The following ANO5 variants were observed in gnomAD, a reference collection of about 807,000 sequenced individuals.
The protein encoded by ANO5 is anoctamin 5.
In ANO5, 109 loss-of-function variants were observed where a neutral mutation model predicts 121.0. The ratio of observed to expected loss-of-function variants is 0.90; its 90% CI spans 0.77 to 1.06. ANO5 has a LOEUF of 1.06. Among genes scored for constraint, ANO5 ranks in the 50% least tolerant of loss-of-function variants. ANO5 has a pLI of 0.00. For synonymous variants in ANO5, 406 were observed against 359.9 expected, an observed-to-expected ratio of 1.13 and a Z score of -1.45; for missense variants, 1,064 against 1,078.5, an observed-to-expected ratio of 0.99 and a Z score of 0.19.
intron 7 of ANO5, among the ~76,000 whole-genome samples, chr11:22,235,519 A>G (rs1252611821): frequency 6.6e-6 from 1 of 152,120 alleles, no homozygotes; most frequent in Non-Finnish European, 1.5e-5. Context: ...TGTATAAAAC[A>G]GTGCTGAAAA....
At chr11:22,217,766 G>T (rs1852496704) in intron 3 of ANO5, among the ~76,000 whole-genome samples, 1 of 151,488 alleles carries the variant, frequency 6.6e-6, no homozygotes, top group African/African-American at 2.4e-5. Flanking sequence ...ATAACAAATG[G>T]GATCTTTTGG....
intron 19 of ANO5, among the ~76,000 whole-genome samples, chr11:22,273,643 A>C (rs2133791235): frequency 6.6e-6 from 1 of 152,178 alleles, no homozygotes; most frequent in South Asian, 2.1e-4. Context: ...CACTGTCAAA[A>C]ATTGTAAATC....
chr11:22,193,404 T>A lies in ANO5; in HGVS notation c.-89T>A. The A allele has an allele frequency of 6.4e-7, 1 of 1,552,646 alleles. No individual in the cohort carries two copies. Among genetic ancestry groups the A allele is most frequent in the South Asian group, 1.2e-5 (1 of 84,436 alleles). On this transcript the variant is annotated 5_prime_UTR_variant, in exon 1 of 22. Coordinates refer to ENST00000324559, the MANE Select transcript of ANO5 (RefSeq NM_213599.3). Reference sequence around the variant, plus strand: ...CAACTCCGGCGGCCCACAGTCAGATTCAGCACCTGCCTCAGATCTCCACGT... The same window carrying A: ...CAACTCCGGCGGCCCACAGTCAGATACAGCACCTGCCTCAGATCTCCACGT...
chr11:22,221,852 T>G (rs1852664306), intron 5 of ANO5, among the ~76,000 whole-genome samples: 1 of 152,070 alleles, frequency 6.6e-6, no homozygotes, highest in South Asian at 2.1e-4. Context: ...ACACATTTAC[T>G]TATGTACTTA....
chr11:22,261,498 A>G (rs922413618), intron 15 of ANO5: 10 of 153,066 alleles, frequency 6.5e-5, no homozygotes, highest in African/African-American at 1.4e-4. Context: ...CCCTGTCTCT[A>G]CTAGAAATAC....
At chr11:22,240,931 T>C (rs1296101198) in intron 9 of ANO5, among the ~76,000 whole-genome samples, 1 of 152,010 alleles carries the variant, frequency 6.6e-6, no homozygotes, top group Non-Finnish European at 1.5e-5. Flanking sequence ...TCTGATACTA[T>C]TTAGTGGAAC....
intron 9 of ANO5, among the ~76,000 whole-genome samples, chr11:22,243,400 A>G (rs920477864): frequency 6.6e-6 from 1 of 151,904 alleles, no homozygotes; most frequent in African/African-American, 2.4e-5. Flanking sequence ...TCTCTATCAG[A>G]TTTTGGTATC....
At chr11:22,212,221 C>G (rs1852300653) in intron 3 of ANO5, among the ~76,000 whole-genome samples, 1 of 151,766 alleles carries the variant, frequency 6.6e-6, no homozygotes, top group South Asian at 2.1e-4. Flanking sequence ...AAGTAAGATG[C>G]CCTGAAGATT....
rs1854059024 is a variant in ANO5, at chr11:22,257,973, A to C, written c.1407+219A>C. On this transcript the variant is annotated intron_variant, in intron 14 of 21. Transcript: ENST00000324559. ...GATCTTGGGGAAAAGGAGGTACTTT[A>C]TCTTAAAGCCCGTCCCTCCCTGCCT... is the stretch of plus-strand genomic sequence containing the variant. 2.0e-5 allele frequency among the ~76,000 whole-genome samples: 3 copies of C among 152,262 alleles called. 1 individual carries two copies. The South Asian group carries it at 6.2e-4, about 32-fold the overall frequency.
intron 8 of ANO5, among the ~76,000 whole-genome samples, chr11:22,237,989 A>G (rs1247417547): frequency 6.6e-6 from 1 of 152,194 alleles, no homozygotes; most frequent in East Asian, 1.9e-4. Flanking sequence ...CCAATACAAT[A>G]TAAATGTAAA....
At chr11:22,200,886 G>A (rs1171433036) in intron 1 of ANO5, among the ~76,000 whole-genome samples, 1 of 152,086 alleles carries the variant, frequency 6.6e-6, no homozygotes, top group Non-Finnish European at 1.5e-5. Flanking sequence ...TTGTATGGGT[G>A]TGTTTTGTAT....
intron 7 of ANO5, among the ~76,000 whole-genome samples, chr11:22,234,810 G>A (rs562034529): frequency 1.2e-4 from 18 of 152,058 alleles, no homozygotes; most frequent in Non-Finnish European, 2.4e-4. Flanking sequence ...CTTATTCTTC[G>A]TTTTATGAGT....
chr11:22,245,756 G>A (rs943763479), intron 9 of ANO5, among the ~76,000 whole-genome samples: 2 of 152,056 alleles, frequency 1.3e-5, no homozygotes, highest in African/African-American at 2.4e-5. Flanking sequence ...CATTCTCAAT[G>A]TGTTGTCTGT....
chr11:22,231,783 C>T (rs1590253121), intron 7 of ANO5, among the ~76,000 whole-genome samples: 1 of 151,934 alleles, frequency 6.6e-6, no homozygotes, highest in East Asian at 1.9e-4. Context: ...TCACACTTTG[C>T]AAAAAGATGT....
Position 22,270,330 on chromosome 11 carries a change from G to A in ANO5, c.1917G>A (p.Trp639Ter). Residue 639 changes from tryptophan to a stop codon, truncating the protein, a stop_gained, in exon 18 of 22, where the codon TGG (tryptophan) becomes TGA (stop). Transcript: ENST00000324559. LOFTEE classifies it high-confidence loss of function. Reference sequence around the variant, plus strand: ...CCAACAGCTTGGCTTTGAATTGGTGGAGACGCCGAAAAGCTCGGACAAACT... The same window carrying A: ...CCAACAGCTTGGCTTTGAATTGGTGAAGACGCCGAAAAGCTCGGACAAACT... The part of the protein sequence containing the change: ...EAIYPLALNW[W>*]RRRKARTNSE... 6.2e-7 allele frequency: 1 copy of A among 1,614,104 alleles called. No homozygotes were observed. The highest frequency in any genetic ancestry group is 8.5e-7 in the Non-Finnish European group (1 of 1,180,012).
chr11:22,238,433 G>T (rs952962954), intron 8 of ANO5, among the ~76,000 whole-genome samples: 2 of 151,960 alleles, frequency 1.3e-5, no homozygotes, highest in African/African-American at 2.4e-5. Context: ...AGTCATATAG[G>T]CTCATTGGAA....
chr11:22,202,705 T>TG (rs1332896310), intron 1 of ANO5, among the ~76,000 whole-genome samples: 2 of 152,302 alleles, frequency 1.3e-5, no homozygotes, highest in East Asian at 3.9e-4. Flanking sequence ...ATAAGAGCTC[T>TG]GCACCATGAG....
At chr11:22,251,887 A>G (rs1317868067) in intron 12 of ANO5, among the ~76,000 whole-genome samples, 3 of 151,640 alleles carry the variant, frequency 2.0e-5, no homozygotes, top group East Asian at 1.9e-4. Flanking sequence ...AAAATTAGCC[A>G]GGCGTGGTGG....
At chr11:22,222,195 A>T (rs1852674029) in intron 5 of ANO5, among the ~76,000 whole-genome samples, 1 of 151,846 alleles carries the variant, frequency 6.6e-6, no homozygotes, top group South Asian at 2.1e-4. Context: ...GAAATTCCTG[A>T]GATTTAAATC....
Sources: allele counts gnomAD v4.1 joint callset (sites outside exome capture counted in the v4.1 genomes callset), GRCh38; gene constraint gnomAD v4.1.1; transcripts MANE v1.5; gene names NCBI Gene and HGNC (gene_info 2026-07-23, HGNC 2026-07-21).